Variants in MYO1F observed in about 807,000 individuals in gnomAD.
MYO1F encodes the protein myosin IF, also known as unconventional myosin-If.
A neutral mutation model predicts 146.6 loss-of-function variants in MYO1F; 60 were observed. That is an observed-to-expected ratio of 0.41 (90% CI 0.33 to 0.51). The LOEUF (loss-of-function observed/expected upper bound fraction) is 0.51. MYO1F is among the 20% of genes least tolerant of loss of function. The probability of loss-of-function intolerance (pLI) is 0.25; values close to 1 mark genes in which losing one functional copy is unlikely to be tolerated. For missense variants in MYO1F, 1,274 were observed against 1,534.3 expected (o/e 0.83, Z 2.83); for synonymous variants, 602 against 602.1 (o/e 1.00, Z 0.00).
At chr19:8,567,871 C>A (rs1227485207) in intron 1 of MYO1F, among the ~76,000 whole-genome samples, 2 of 152,186 alleles carry the variant, frequency 1.3e-5, no homozygotes, top group East Asian at 3.9e-4. Flanking sequence ...CCTTTGGGGG[C>A]CAGTGCAGGC....
chr19:8,567,192 G>A (rs995561298), intron 1 of MYO1F, among the ~76,000 whole-genome samples: 2 of 150,602 alleles, frequency 1.3e-5, no homozygotes, highest in South Asian at 2.1e-4. Flanking sequence ...TCATCCTCTC[G>A]AGTAGCTGGG....
intron 1 of MYO1F, among the ~76,000 whole-genome samples, chr19:8,563,028 G>C (rs541501176): frequency 4.1e-4 from 62 of 151,890 alleles, no homozygotes; most frequent in Non-Finnish European, 7.9e-4. Flanking sequence ...GTCTCACTCT[G>C]TCGCCCAGGC....
At chr19:8,542,572 G>A (rs1973024691) in intron 14 of MYO1F, among the ~76,000 whole-genome samples, 1 of 151,826 alleles carries the variant, frequency 6.6e-6, no homozygotes, top group Non-Finnish European at 1.5e-5. Flanking sequence ...GGGAACATGG[G>A]AGCTCCAGCC....
At chr19:8,544,041 C>CTGGTGGTGG (rs1192452702) in intron 14 of MYO1F, 1 of 211,942 alleles carries the variant, frequency 4.7e-6, no homozygotes, top group Non-Finnish European at 7.7e-6. Flanking sequence ...GGTGGCGGTG[C>CTGGTGGTGG]TGGTGGTGGT....
At chr19:8,547,620 A>AAAAT (rs1332502121) in intron 12 of MYO1F, among the ~76,000 whole-genome samples, 1 of 151,146 alleles carries the variant, frequency 6.6e-6, no homozygotes, top group African/African-American at 2.4e-5. Flanking sequence ...AAAAAAAAAA[A>AAAAT]TCCCTGACTT....
intron 14 of MYO1F, among the ~76,000 whole-genome samples, chr19:8,543,738 G>GTGC (rs200309964): frequency 1.7e-4 from 2 of 11,774 alleles, no homozygotes. Context: ...GGTGGTGCTG[G>GTGC]TGGTGCTGGT....
chr19:8,536,171 C>G, intron 19 of MYO1F, 81 bp downstream of exon 19: 6 of 1,415,780 alleles, frequency 4.2e-6, no homozygotes, highest in Non-Finnish European at 4.9e-6. Flanking sequence ...CCCTCTGTCT[C>G]TCTCTCTCTC....
intron 1 of MYO1F, among the ~76,000 whole-genome samples, chr19:8,562,562 G>A (rs745550894): frequency 6.6e-6 from 1 of 151,996 alleles, no homozygotes; most frequent in African/African-American, 2.4e-5. Flanking sequence ...TTGAGGCAGG[G>A]TCTTGCTCTG....
Position 8,546,167 on chromosome 19 carries a change from C to T in MYO1F, c.1270-431G>A, listed in dbSNP as rs530594446. Among the ~76,000 whole-genome samples, 20 of 148,966 alleles carry T rather than the reference C, an allele frequency of 1.3e-4. 1 individual carries two copies. The highest frequency in any genetic ancestry group is 4.5e-4 in the African/African-American group (18 of 40,340). On this transcript the variant is annotated intron_variant, in intron 12 of 27. Coordinates refer to ENST00000644032, the MANE Select transcript of MYO1F (RefSeq NM_012335.4). ...GCAACCTCCGCCTCCCGAGTTCAAGCGATTCTCCTGCCTCAGCCTCCCGAG... is the reference window on the plus strand; with the variant it reads ...GCAACCTCCGCCTCCCGAGTTCAAGTGATTCTCCTGCCTCAGCCTCCCGAG...
chr19:8,532,901 A>AAATATAT (rs1172873322), intron 19 of MYO1F, among the ~76,000 whole-genome samples: 52 of 47,842 alleles, frequency 1.1e-3, no homozygotes, highest in African/African-American at 5.4e-3. Flanking sequence ...AAAAAAAAAA[A>AAATATAT]ATACACACAC....
intron 13 of MYO1F, among the ~76,000 whole-genome samples, chr19:8,545,232 C>T (rs746849588): frequency 7.2e-5 from 11 of 151,908 alleles, no homozygotes; most frequent in South Asian, 2.1e-4. Context: ...GGATTACAGG[C>T]GCCTGCCACC....
In MYO1F at chr19:8,537,093, G is replaced by C. The variant is rs1340176815; in HGVS notation, c.1693-38C>G. 2.9e-6 allele frequency: 4 copies of C among 1,382,298 alleles called. No homozygotes were observed. The East Asian group carries it at 7.0e-5, about 24-fold the overall frequency. 85.6% of individuals were successfully genotyped at this position (1,382,298 alleles called of 1,614,324 possible). ...TGAAGACGGGTGGGTGGGGGGCACA[G>C]AGATGGGACCCTCTGGCCCCTCTTT... is the stretch of plus-strand genomic sequence containing the variant. On this transcript the variant is annotated intron_variant, in intron 16 of 27. Transcript: ENST00000644032.
At chr19:8,528,963 C>T (rs1972376244) in intron 21 of MYO1F, among the ~76,000 whole-genome samples, 1 of 152,074 alleles carries the variant, frequency 6.6e-6, no homozygotes, top group South Asian at 2.1e-4. Context: ...AGTGGGGATA[C>T]CTGTCTCAGT....
At chr19:8,531,396 T>G (rs1218971716) in intron 19 of MYO1F, among the ~76,000 whole-genome samples, 2 of 152,188 alleles carry the variant, frequency 1.3e-5, no homozygotes, top group South Asian at 4.1e-4. Flanking sequence ...TCGCCCAGAC[T>G]GGAGTGTGGT....
chr19:8,577,159 T>G lies in MYO1F; in HGVS notation c.3+148A>C. The G allele has an allele frequency of 4.3e-6, 4 of 921,022 alleles. No individual in the cohort carries two copies. The highest frequency in any genetic ancestry group is 6.9e-6 in the Non-Finnish European group (4 of 577,776). 57.1% of individuals were successfully genotyped at this position (921,022 alleles called of 1,614,324 possible). A position where few individuals can be genotyped will look rare whatever the true frequency, so the allele number is the denominator to read the frequency against. Reference sequence around the variant, plus strand: ...CCTGGTAAGGGATGCTGGAGGCACCTGAGCTGCACTGAGAGACACCCCACC... The same window carrying G: ...CCTGGTAAGGGATGCTGGAGGCACCGGAGCTGCACTGAGAGACACCCCACC... On this transcript the variant is annotated intron_variant, in intron 1 of 27. Coordinates refer to ENST00000644032, the MANE Select transcript of MYO1F (RefSeq NM_012335.4). The surrounding 1 kb of genome is among the most constrained non-coding windows in gnomAD (Gnocchi z 4.3).
intron 27 of MYO1F, 97 bp downstream of exon 27, chr19:8,522,280 C>G (rs1175276204): frequency 2.0e-6 from 3 of 1,536,910 alleles, no homozygotes; most frequent in Non-Finnish European, 2.7e-6. Flanking sequence ...CCTTGGCCTC[C>G]CAAAATGCTG....
At chr19:8,555,447 C>T (rs542211918) in intron 2 of MYO1F, 40 of 567,762 alleles carry the variant, frequency 7.0e-5, no homozygotes, top group African/African-American at 4.7e-4. Context: ...AAATGGAACA[C>T]GCTGGGGCTG....
At chr19:8,571,519 A>G (rs1227931106) in intron 1 of MYO1F, among the ~76,000 whole-genome samples, 2 of 151,166 alleles carry the variant, frequency 1.3e-5, no homozygotes, top group African/African-American at 4.9e-5. Context: ...GGTTCAAGCG[A>G]TTCTCCTGCC....
At chr19:8,557,918 C>T (rs1160932158) in intron 1 of MYO1F, among the ~76,000 whole-genome samples, 1 of 152,112 alleles carries the variant, frequency 6.6e-6, no homozygotes, top group Non-Finnish European at 1.5e-5. Context: ...CTCCTCTTCT[C>T]TTGTGGTCAC....
Sources: allele counts gnomAD v4.1 joint callset (sites outside exome capture counted in the v4.1 genomes callset), GRCh38; gene constraint gnomAD v4.1.1; non-coding constraint Gnocchi (gnomAD v3.1); transcripts MANE v1.5; gene names NCBI Gene and HGNC (gene_info 2026-07-23, HGNC 2026-07-21).